DLG1: variants seen among roughly 807,000 people sequenced by gnomAD.
DLG1 encodes disks large homolog 1.
Under a neutral mutation model 123.4 loss-of-function variants are expected in DLG1, and 42 were observed. The ratio of observed to expected loss-of-function variants is 0.34; its 90% confidence interval spans 0.27 to 0.44. The LOEUF (loss-of-function observed/expected upper bound fraction) is 0.44. Ranked by LOEUF, DLG1 falls within the 20% of genes least tolerant of loss-of-function variation. The probability of loss-of-function intolerance (pLI) is 1.00; values close to 1 mark genes in which losing one functional copy is unlikely to be tolerated. For synonymous variants in DLG1, 317 were observed against 356.2 expected (o/e 0.89, Z 1.24); for missense variants, 942 against 1,082.6 (o/e 0.87, Z 1.82).
chr3:197,287,379 A>C (rs1772387896), intron 3 of DLG1, among the ~76,000 whole-genome samples: 1 of 152,224 alleles, frequency 6.6e-6, no homozygotes, highest in Admixed American at 6.5e-5. Context: ...AAAGAATTTG[A>C]ATACAGGTTT....
chr3:197,168,763 T>C (rs2149997673), intron 5 of DLG1, among the ~76,000 whole-genome samples: 1 of 152,330 alleles, frequency 6.6e-6, no homozygotes, highest in Middle Eastern at 3.4e-3. Context: ...GTTTTTCTGT[T>C]GTTGTTTTAA....
intron 4 of DLG1, among the ~76,000 whole-genome samples, chr3:197,205,708 T>C (rs1449799466): frequency 6.6e-6 from 1 of 152,224 alleles, no homozygotes; most frequent in African/African-American, 2.4e-5. Context: ...AAAACTTTTC[T>C]ATGGCAGCTA....
intron 17 of DLG1, among the ~76,000 whole-genome samples, chr3:197,077,240 T>C (rs1747888601): frequency 6.6e-6 from 1 of 150,826 alleles, no homozygotes; most frequent in African/African-American, 2.4e-5. Flanking sequence ...AATATATATA[T>C]ATTTATATAT....
intron 11 of DLG1, among the ~76,000 whole-genome samples, chr3:197,119,986 G>A (rs144142907): frequency 4.6e-5 from 7 of 152,270 alleles, no homozygotes; most frequent in Admixed American, 1.3e-4. Flanking sequence ...TCGTCCAGGC[G>A]TAGTGGCTCA....
intron 4 of DLG1, among the ~76,000 whole-genome samples, chr3:197,255,980 C>T (rs926999500): frequency 2.6e-5 from 4 of 151,948 alleles, no homozygotes; most frequent in African/African-American, 7.3e-5. Context: ...CTGTGAGGTA[C>T]GATATCTGCA....
chr3:197,199,850 T>A (rs911620185), intron 4 of DLG1, among the ~76,000 whole-genome samples: 3 of 152,076 alleles, frequency 2.0e-5, no homozygotes, highest in Non-Finnish European at 4.4e-5. Context: ...TACCTAACAC[T>A]TATACTAAAA....
chr3:197,246,549 G>A (rs1476464062), intron 4 of DLG1, among the ~76,000 whole-genome samples: 3 of 152,172 alleles, frequency 2.0e-5, no homozygotes, highest in Non-Finnish European at 4.4e-5. Flanking sequence ...CTTCAGTTAA[G>A]GCAGTAGCTG....
rs1450781799 is a variant in DLG1, at chr3:197,044,125, T to A, written c.*498A>T. On this transcript the variant is annotated 3_prime_UTR_variant, in exon 25 of 25. Coordinates refer to ENST00000667157, the MANE Select transcript of DLG1 (RefSeq NM_001366207.1). ...ATTAAAAAATGTCCTTATTTATCTA[T>A]AATGAAACAATTGCTTTGATGATAG... 6.6e-6 allele frequency: 1 copy of A among 152,196 alleles called. No homozygotes were observed. The highest frequency in any genetic ancestry group is 1.5e-5 in the Non-Finnish European group (1 of 68,042). 9.4% of individuals were successfully genotyped at this position (152,196 alleles called of 1,614,324 possible).
chr3:197,137,086 G>T (rs1185172514), intron 9 of DLG1, among the ~76,000 whole-genome samples: 1 of 152,206 alleles, frequency 6.6e-6, no homozygotes. Flanking sequence ...CTTTAAAAAT[G>T]TGAATACCTT....
At chr3:197,126,344 C>T (rs1376266434) in intron 11 of DLG1, among the ~76,000 whole-genome samples, 6 of 151,794 alleles carry the variant, frequency 4.0e-5, no homozygotes, top group Non-Finnish European at 8.8e-5. Context: ...GGCGTGGTGG[C>T]GCATGCCTGT....
At chr3:197,171,246 G>A (rs1804038742) in intron 5 of DLG1, among the ~76,000 whole-genome samples, 1 of 152,066 alleles carries the variant, frequency 6.6e-6, no homozygotes, top group Non-Finnish European at 1.5e-5. Context: ...CTCTGCTTAG[G>A]AATCACTGTA....
intron 3 of DLG1, among the ~76,000 whole-genome samples, chr3:197,288,636 G>A (rs577077289): frequency 8.2e-5 from 12 of 146,378 alleles, no homozygotes; most frequent in African/African-American, 2.8e-4. Flanking sequence ...CAGGAGAATC[G>A]CTTGAACCTA....
In DLG1 at chr3:197,145,039, GCTCT is replaced by G. The variant is rs35261692; in HGVS notation, c.538-2275_538-2272del. On this transcript the variant is annotated intron_variant, in intron 6 of 24. Coordinates refer to ENST00000667157, the MANE Select transcript of DLG1 (RefSeq NM_001366207.1). ...ATGTTGACCAGGAGCTCGCTTGCTT[GCTCT>G]CTCTCTCTCTCTCACACACACACAC... 3.4e-5 allele frequency among the ~76,000 whole-genome samples: 5 copies of G among 146,174 alleles called. No homozygotes were observed. The East Asian group carries it at 6.0e-4, about 18-fold the overall frequency.
chr3:197,136,493 T>C (rs1553946573), intron 10 of DLG1, 49 bp downstream of exon 10: 12 of 1,516,048 alleles, frequency 7.9e-6, no homozygotes, highest in Admixed American at 7.7e-5. Context: ...ATCAGAAAAA[T>C]AAACAGACTA....
intron 15 of DLG1, among the ~76,000 whole-genome samples, chr3:197,087,653 T>G (rs1755205752): frequency 6.6e-6 from 1 of 152,142 alleles, no homozygotes; most frequent in Non-Finnish European, 1.5e-5. Context: ...TTAACACATT[T>G]CTGGATGATG....
intron 8 of DLG1, among the ~76,000 whole-genome samples, chr3:197,139,833 G>A (rs1174976963): frequency 6.6e-6 from 1 of 152,144 alleles, no homozygotes; most frequent in Non-Finnish European, 1.5e-5. Flanking sequence ...TATTCTGTGA[G>A]TGTATCTGAA....
intron 4 of DLG1, among the ~76,000 whole-genome samples, chr3:197,266,381 G>A (rs1761700792): frequency 6.6e-6 from 1 of 151,294 alleles, no homozygotes. Context: ...GTGTTAATTA[G>A]ACAAAAATAA....
chr3:197,204,729 T>C (rs1239486842), intron 4 of DLG1, among the ~76,000 whole-genome samples: 1 of 152,132 alleles, frequency 6.6e-6, no homozygotes, highest in Non-Finnish European at 1.5e-5. Flanking sequence ...TACATAGAAT[T>C]AGGTATTATA....
chr3:197,162,897 C>G lies in DLG1; in HGVS notation c.484-13101G>C, dbSNP rs567122702. On this transcript the variant is annotated intron_variant, in intron 5 of 24. Transcript: ENST00000667157. Reference sequence around the variant, plus strand: ...CCTTTTGTGCACCAAAGGGCATTACCAAGCAAGTGAAAAGACAGCCTACAC... The same window carrying G: ...CCTTTTGTGCACCAAAGGGCATTACGAAGCAAGTGAAAAGACAGCCTACAC... 3.1e-3 allele frequency among the ~76,000 whole-genome samples: 469 copies of G among 152,250 alleles called. 1 individual carries two copies. Among genetic ancestry groups the G allele is most frequent in the Admixed American group, 5.0e-3 (77 of 15,294 alleles).
Sources: allele counts gnomAD v4.1 joint callset (sites outside exome capture counted in the v4.1 genomes callset), GRCh38; gene constraint gnomAD v4.1.1; transcripts MANE v1.5; gene names NCBI Gene and HGNC (gene_info 2026-07-23, HGNC 2026-07-21).